RBM26: variants seen among roughly 807,000 people sequenced by gnomAD.
RBM26 encodes the protein RNA-binding protein 26.
In RBM26, 30 loss-of-function variants were observed where a neutral mutation model predicts 123.6. That is an observed-to-expected ratio of 0.24 (90% confidence interval 0.18 to 0.33). The LOEUF is 0.33. RBM26 is among the 10% of genes least tolerant of loss of function. RBM26 has a pLI of 1.00. For missense variants in RBM26, 947 were observed against 1,203.6 expected (o/e 0.79, Z 3.15); for synonymous variants, 400 against 404.4 (o/e 0.99, Z 0.13).
At chr13:79,392,987 C>A (rs2078234582) in intron 1 of RBM26, among the ~76,000 whole-genome samples, 1 of 152,074 alleles carries the variant, frequency 6.6e-6, no homozygotes. Context: ...CACATGCTGT[C>A]GAGAGATTAG....
intron 17 of RBM26, among the ~76,000 whole-genome samples, chr13:79,341,577 T>C (rs535458361): frequency 1.1e-4 from 16 of 151,918 alleles, no homozygotes; most frequent in African/African-American, 3.9e-4. Flanking sequence ...TGTTTTTATG[T>C]AGAAAACATA....
At chr13:79,366,536 G>A in intron 7 of RBM26, 97 bp downstream of exon 7, 2 of 1,263,050 alleles carry the variant, frequency 1.6e-6, no homozygotes, top group Non-Finnish European at 1.1e-6. Flanking sequence ...GCATTTTTGG[G>A]ATTCCTTTAG....
intron 1 of RBM26, among the ~76,000 whole-genome samples, chr13:79,383,798 G>A (rs1284547037): frequency 6.6e-6 from 1 of 151,944 alleles, no homozygotes; most frequent in Non-Finnish European, 1.5e-5. Flanking sequence ...AAGGAAGAAA[G>A]GTAAGGAGAA....
intron 20 of RBM26, among the ~76,000 whole-genome samples, chr13:79,331,511 C>A: frequency 6.7e-6 from 1 of 150,032 alleles, no homozygotes; most frequent in Middle Eastern, 3.4e-3. Flanking sequence ...GCAGGCACCT[C>A]TAGTCCCAGC....
chr13:79,341,844 A>C (rs9574409), intron 17 of RBM26, among the ~76,000 whole-genome samples: 54,454 of 151,640 alleles, frequency 0.36, 11,514 homozygotes, highest in Middle Eastern at 0.51. Context: ...AAATAGATTT[A>C]ACTTTATCAA....
At chr13:79,389,577 C>T (rs2077767725) in intron 1 of RBM26, 1 of 152,170 alleles carries the variant, frequency 6.6e-6, no homozygotes, top group Non-Finnish European at 1.5e-5. Flanking sequence ...CCTAATCCTG[C>T]TTGCCTTCCA....
chr13:79,340,715 T>C (rs1289584285), intron 18 of RBM26, among the ~76,000 whole-genome samples: 1 of 151,950 alleles, frequency 6.6e-6, no homozygotes, highest in Admixed American at 6.6e-5. Context: ...AGTAAACATA[T>C]TCTTCAAAAT....
chr13:79,393,063 C>G (rs2078241272), intron 1 of RBM26, among the ~76,000 whole-genome samples: 1 of 152,170 alleles, frequency 6.6e-6, no homozygotes, highest in Non-Finnish European at 1.5e-5. Context: ...TAACCAAAGA[C>G]TCATGAGTAA....
intron 13 of RBM26, 43 bp from the exon 14 acceptor site, chr13:79,353,267 T>TA (rs1455211497): frequency 8.7e-7 from 1 of 1,144,414 alleles, no homozygotes; most frequent in South Asian, 1.3e-5. Context: ...TCCCCAAACA[T>TA]ATAAAAGTCT....
rs570714422 is a variant in RBM26 at position 79,375,624 on chromosome 13, T to C, written c.327+1755A>G. ...TCTTCCTAACAGAACCCTTATACTG[T>C]TAGGTATGAAATAGGTTCAGTTATA... On this transcript the variant is annotated intron_variant, in intron 3 of 21. Transcript: ENST00000438737. 4.5e-4 allele frequency among the ~76,000 whole-genome samples: 69 copies of C among 152,160 alleles called. No homozygotes were observed. The South Asian group carries it at 0.014, about 32-fold the overall frequency.
In RBM26 at chr13:79,368,772, C is replaced by T. The variant is rs766593345; in HGVS notation, c.853G>A (p.Val285Ile). 11 of 1,613,876 alleles carry T rather than the reference C, an allele frequency of 6.8e-6. No homozygotes were observed. The highest frequency in any genetic ancestry group is 3.3e-5 in the Admixed American group (2 of 60,018). Residue 285 changes from valine (V) to isoleucine (I), a missense_variant, in exon 6 of 22, where the codon GTA becomes ATA. Around this residue, in one of 5 missense-constraint regions of RBM26, gnomAD observed 275 missense variants for 361.0 expected, o/e 0.76. Transcript: ENST00000438737. ...HEDQVDHNSY[V>I]RPPMPKKRCR... ...CGTTTCTTTGGCATGGGTGGTCTTA[C>T]GTAAGAGTTATGGTCCACTTGGTCT...
chr13:79,333,089 A>C (rs893819018), intron 20 of RBM26, among the ~76,000 whole-genome samples: 6 of 152,208 alleles, frequency 3.9e-5, no homozygotes, highest in Admixed American at 3.9e-4. Flanking sequence ...ACTGAAAGGA[A>C]GCTTACTCTA....
chr13:79,392,834 G>C (rs547351339), intron 1 of RBM26, among the ~76,000 whole-genome samples: 23 of 149,602 alleles, frequency 1.5e-4, no homozygotes, highest in African/African-American at 5.6e-4. Flanking sequence ...CTATATTCTA[G>C]AAAGTGACAA....
rs2075182708 is a variant in RBM26, at chr13:79,365,656, T to C, written c.1339A>G (p.Met447Val). 6 of 1,613,798 alleles carry C rather than the reference T, an allele frequency of 3.7e-6. No individual in the cohort carries two copies. The East Asian group carries it at 6.7e-5, about 18-fold the overall frequency. ...APSITNTSRP[M>V]YRHRVHAQRP... The stretch of plus-strand genomic sequence containing the variant: ...TGTGCATGCACTCTGTGTCTATACA[T>C]AGGTCTGGAAGTGTTTGTTATGCTT... Residue 447 changes from methionine to valine, a missense_variant, in exon 9 of 22, where the codon ATG becomes GTG. Met to Val is a conservative substitution (Grantham distance 21). Coordinates refer to ENST00000438737, the MANE Select transcript of RBM26 (RefSeq NM_001366735.2).
rs370462060 is a variant in RBM26 at position 79,354,554 on chromosome 13, A to C, written c.1871T>G (p.Val624Gly). ...CACAACAGGCAAAATGGGCTGCTGG[A>C]CTAAAGGCTGCATTACCTCAGAACA... is the stretch of plus-strand genomic sequence containing the variant. ...TTSPKVMQPL[V>G]QQPILPVVKQ... The change falls in exon 13 of 22, where the codon GTC becomes GGC. Residue 624 changes from valine (V) to glycine (G), a missense_variant. This residue lies in a region of RBM26 where 493 missense variants were observed against 563.1 expected (regional missense o/e 0.88). Transcript: ENST00000438737. 1.1e-5 allele frequency: 17 copies of C among 1,601,186 alleles called. No homozygotes were observed. The African/African-American group carries it at 2.3e-4, about 21-fold the overall frequency.
At chr13:79,369,184 A>T (rs1367920886) in intron 5 of RBM26, among the ~76,000 whole-genome samples, 194 bp from the exon 6 acceptor site, 1 of 152,170 alleles carries the variant, frequency 6.6e-6, no homozygotes, top group Non-Finnish European at 1.5e-5. Flanking sequence ...AATATAACCC[A>T]AACTACAAAA....
rs750943654 is a variant in RBM26, at chr13:79,344,779, T to C, written c.2074A>G (p.Thr692Ala). Residue 692 changes from threonine (T) to alanine (A), a missense_variant, in exon 15 of 22, where the codon ACT becomes GCT. Thr to Ala is a moderately conservative substitution (Grantham distance 58). Coordinates refer to ENST00000438737, the MANE Select transcript of RBM26 (RefSeq NM_001366735.2). ...SATEKVLSTS[T>A]GLTKTVYNPA... ...TTATACACTGTTTTTGTTAGGCCAG[T>C]AGATGTAGACAACACCTACCAATAC... is the stretch of plus-strand genomic sequence containing the variant. 2.2e-5 allele frequency: 35 copies of C among 1,612,780 alleles called. No homozygotes were observed. Among genetic ancestry groups the C allele is most frequent in the Non-Finnish European group, 2.7e-5 (32 of 1,179,350 alleles).
chr13:79,352,834 CCTTT>C (rs1246260894), intron 14 of RBM26, among the ~76,000 whole-genome samples: 1 of 152,028 alleles, frequency 6.6e-6, no homozygotes, highest in African/African-American at 2.4e-5. Flanking sequence ...TAATCATGGC[CCTTT>C]CTATTAGGCT....
chr13:79,324,890 T>G (rs2068141289), intron 20 of RBM26, among the ~76,000 whole-genome samples: 1 of 152,100 alleles, frequency 6.6e-6, no homozygotes, highest in Non-Finnish European at 1.5e-5. Flanking sequence ...ATTTACTGAA[T>G]AACTTGTTTT....
Sources: allele counts gnomAD v4.1 joint callset (sites outside exome capture counted in the v4.1 genomes callset), GRCh38; gene constraint gnomAD v4.1.1; regional missense constraint gnomAD v4.1.1; transcripts MANE v1.5; gene names NCBI Gene and HGNC (gene_info 2026-07-23, HGNC 2026-07-21).